CDH13: variants seen among roughly 807,000 people sequenced by gnomAD.
CDH13 encodes the protein cadherin-13.
In CDH13, 24 loss-of-function variants were observed where a neutral mutation model predicts 63.8. That is an observed-to-expected ratio of 0.38 (90% CI 0.27 to 0.53). The LOEUF (loss-of-function observed/expected upper bound fraction) is 0.53. CDH13 is among the 20% of genes least tolerant of loss of function. The pLI is 0.85. For missense variants in CDH13, 1,049 were observed against 903.1 expected (o/e 1.16, Z -2.07); for synonymous variants, 503 against 355.3 (o/e 1.42, Z -4.67).
At chr16:83,573,782 C>G (rs989970721) in intron 7 of CDH13, among the ~76,000 whole-genome samples, 1 of 152,226 alleles carries the variant, frequency 6.6e-6, no homozygotes, top group Admixed American at 6.5e-5. Context: ...GCTTGCTTAA[C>G]TACTGTAGTT....
At chr16:83,442,035 CT>C (rs374583501) in intron 6 of CDH13, among the ~76,000 whole-genome samples, 4 of 152,212 alleles carry the variant, frequency 2.6e-5, no homozygotes, top group African/African-American at 9.6e-5. Context: ...ATGACAGAGT[CT>C]TTTTTGTCCA....
intron 6 of CDH13, among the ~76,000 whole-genome samples, chr16:83,398,982 A>G (rs898898609): frequency 2.6e-5 from 4 of 152,212 alleles, no homozygotes; most frequent in African/African-American, 9.7e-5. Context: ...TATTTACAAC[A>G]ATGGCTGTTT....
At chr16:83,129,107 C>G (rs2035938978) in intron 4 of CDH13, among the ~76,000 whole-genome samples, 1 of 152,148 alleles carries the variant, frequency 6.6e-6, no homozygotes, top group African/African-American at 2.4e-5. Context: ...TCCACCACAG[C>G]TGACGAGCTG....
At chr16:83,603,780 T>G (rs1908073523) in intron 8 of CDH13, among the ~76,000 whole-genome samples, 1 of 152,118 alleles carries the variant, frequency 6.6e-6, no homozygotes, top group African/African-American at 2.4e-5. Context: ...TACCTAAGAC[T>G]GGGTAATTTA....
At chr16:83,167,870 A>G (rs546489730) in intron 4 of CDH13, among the ~76,000 whole-genome samples, 1 of 152,208 alleles carries the variant, frequency 6.6e-6, no homozygotes, top group South Asian at 2.1e-4. Flanking sequence ...CCATGCAGCC[A>G]TAAAAAAATA....
chr16:82,809,610 C>A (rs1327972562), intron 1 of CDH13, among the ~76,000 whole-genome samples: 2 of 152,062 alleles, frequency 1.3e-5, no homozygotes, highest in Admixed American at 1.3e-4. Context: ...TGTTTTTACC[C>A]TTGATTTATG....
chr16:83,412,011 G>A (rs568119753), intron 6 of CDH13, among the ~76,000 whole-genome samples: 82 of 152,302 alleles, frequency 5.4e-4, no homozygotes, highest in Non-Finnish European at 9.8e-4. Context: ...CTAAGTTTAG[G>A]TTCTCTGTGG....
chr16:83,161,110 A>G (rs1276219058), intron 4 of CDH13, among the ~76,000 whole-genome samples: 1 of 152,190 alleles, frequency 6.6e-6, no homozygotes, highest in Non-Finnish European at 1.5e-5. Flanking sequence ...CCTTCCTGAA[A>G]GCTTTGAATT....
intron 2 of CDH13, among the ~76,000 whole-genome samples, chr16:83,024,484 C>T (rs75565428): frequency 0.031 from 4,666 of 151,986 alleles, 100 homozygotes; most frequent in Non-Finnish European, 0.045. Context: ...CTGGCATAGC[C>T]CTCAGGAGTG....
chr16:82,792,919 G>A (rs1201443820), intron 1 of CDH13, among the ~76,000 whole-genome samples: 2 of 137,106 alleles, frequency 1.5e-5, no homozygotes, highest in Non-Finnish European at 1.7e-5. Flanking sequence ...AGGCACCCAT[G>A]GGCTTGGAGG....
intron 8 of CDH13, among the ~76,000 whole-genome samples, chr16:83,647,886 C>A (rs1040086459): frequency 2.6e-5 from 4 of 152,122 alleles, no homozygotes; most frequent in African/African-American, 9.7e-5. Flanking sequence ...ATTATGATCC[C>A]TGTTAAAATC....
intron 8 of CDH13, among the ~76,000 whole-genome samples, chr16:83,643,475 C>T (rs1009902858): frequency 2.0e-5 from 3 of 152,100 alleles, no homozygotes; most frequent in African/African-American, 4.8e-5. Flanking sequence ...AAAGGGAGAA[C>T]TATTAATAAT....
intron 2 of CDH13, among the ~76,000 whole-genome samples, chr16:82,910,817 G>T (rs1010605052): frequency 6.6e-6 from 1 of 152,148 alleles, no homozygotes; most frequent in African/African-American, 2.4e-5. Context: ...AAGCCATATT[G>T]TCCCTTTCAG....
At chr16:83,599,881 T>C (rs1037707236) in intron 7 of CDH13, among the ~76,000 whole-genome samples, 1 of 152,130 alleles carries the variant, frequency 6.6e-6, no homozygotes, top group African/African-American at 2.4e-5. Context: ...CTGTCCAGGG[T>C]AGTGGTTCAC....
intron 1 of CDH13, among the ~76,000 whole-genome samples, chr16:82,840,556 G>A (rs748743167): frequency 2.0e-4 from 30 of 151,810 alleles, no homozygotes; most frequent in Non-Finnish European, 3.7e-4. Flanking sequence ...ATGGTGGCAC[G>A]TGCCTGTAAC....
chr16:83,379,216 C>T (rs1404130535), intron 6 of CDH13, among the ~76,000 whole-genome samples: 1 of 152,126 alleles, frequency 6.6e-6, no homozygotes, highest in Non-Finnish European at 1.5e-5. Context: ...AAAGTAATAA[C>T]AACTGTATAT....
chr16:82,900,074 AACTT>A (rs1163593351), intron 2 of CDH13, among the ~76,000 whole-genome samples: 1 of 152,102 alleles, frequency 6.6e-6, no homozygotes, highest in African/African-American at 2.4e-5. Context: ...CAGAAACATG[AACTT>A]ACTTTGACTT....
chr16:83,658,726 C>A, intron 8 of CDH13, among the ~76,000 whole-genome samples: 1 of 149,154 alleles, frequency 6.7e-6, no homozygotes, highest in East Asian at 2.0e-4. Context: ...GGTCTCATGT[C>A]CTCACCACCA....
At chr16:83,713,878 A>G (rs997030470) in intron 10 of CDH13, among the ~76,000 whole-genome samples, 1 of 152,292 alleles carries the variant, frequency 6.6e-6, no homozygotes. Flanking sequence ...CTCATTGTCA[A>G]CATTACTCTC....
Sources: allele counts gnomAD v4.1 joint callset (sites outside exome capture counted in the v4.1 genomes callset), GRCh38; gene constraint gnomAD v4.1.1; transcripts MANE v1.5; gene names NCBI Gene and HGNC (gene_info 2026-07-23, HGNC 2026-07-21).